The following METTL9 variants were observed in gnomAD, a reference collection of about 807,000 sequenced individuals.
The protein encoded by METTL9 is methyltransferase 9, His-X-His N1(pi)-histidine.
Under a neutral mutation model 36.0 loss-of-function variants are expected in METTL9, and 10 were observed. The ratio of observed to expected loss-of-function variants is 0.28; its 90% CI spans 0.17 to 0.47. The LOEUF is 0.47. Among genes scored for constraint, METTL9 ranks in the 20% least tolerant of loss-of-function variants. The probability of loss-of-function intolerance (pLI) is 0.99; values close to 1 mark genes in which losing one functional copy is unlikely to be tolerated. For synonymous variants in METTL9, 175 were observed against 149.7 expected, an observed-to-expected ratio of 1.17 and a Z score of -1.23; for missense variants, 246 against 383.5, an observed-to-expected ratio of 0.64 and a Z score of 3.00.
At chr16:21,601,448 T>C (rs1330791134) in intron 1 of METTL9, among the ~76,000 whole-genome samples, 1 of 152,212 alleles carries the variant, frequency 6.6e-6, no homozygotes, top group Non-Finnish European at 1.5e-5. Context: ...GTTGAGTCTC[T>C]TAGCTATTGG....
intron 2 of METTL9, among the ~76,000 whole-genome samples, chr16:21,616,667 T>C (rs191593344): frequency 2.6e-5 from 4 of 152,316 alleles, no homozygotes; most frequent in East Asian, 3.9e-4. Context: ...GTTGTAACCA[T>C]ATAAACTGAC....
intron 4 of METTL9, among the ~76,000 whole-genome samples, chr16:21,635,391 A>C (rs1966062900): frequency 1.3e-5 from 2 of 151,742 alleles, no homozygotes; most frequent in South Asian, 4.2e-4. Context: ...CATTAATAGG[A>C]GGGGGAGCTA....
At chr16:21,636,495 C>G (rs1966095793) in intron 4 of METTL9, among the ~76,000 whole-genome samples, 1 of 152,172 alleles carries the variant, frequency 6.6e-6, no homozygotes, top group African/African-American at 2.4e-5. Context: ...GTTTGTCTGA[C>G]AGGCGTTAGG....
intron 1 of METTL9, among the ~76,000 whole-genome samples, chr16:21,606,076 C>T (rs1165242523): frequency 6.6e-6 from 1 of 152,072 alleles, no homozygotes; most frequent in Non-Finnish European, 1.5e-5. Flanking sequence ...GTGGCTCACG[C>T]CTGTAATCCC....
At chr16:21,637,378 C>T (rs753396961) in intron 4 of METTL9, among the ~76,000 whole-genome samples, 1 of 152,138 alleles carries the variant, frequency 6.6e-6, no homozygotes, top group Non-Finnish European at 1.5e-5. Flanking sequence ...AGACACAGAG[C>T]GCTGATTGGT....
Position 21,599,872 on chromosome 16 carries a change from G to A in METTL9, c.139G>A (p.Ala47Thr). 2.0e-6 allele frequency: 3 copies of A among 1,477,578 alleles called. No homozygotes were observed. Among genetic ancestry groups the A allele is most frequent in the Non-Finnish European group, 1.8e-6 (2 of 1,118,182 alleles). 91.5% of individuals were successfully genotyped at this position (1,477,578 alleles called of 1,614,324 possible). Reference protein sequence around the residue: ...TSGPGGPAAAAGGRKENHQWY... With the variant: ...TSGPGGPAAATGGRKENHQWY... ...CGGCCCGGGTGGGCCGGCGGCGGCC[G>A]CGGGCGGCAGGAAGGAGAACCACCA... The change falls in exon 1 of 5, where the codon GCG becomes ACG. Residue 47 changes from alanine to threonine, a missense_variant. Ala to Thr is a moderately conservative substitution (Grantham distance 58). Around this residue, in one of 2 missense-constraint regions of METTL9, gnomAD observed 100 missense variants for 81.4 expected, o/e 1.23. Coordinates refer to ENST00000358154, the MANE Select transcript of METTL9 (RefSeq NM_016025.5). The surrounding 1 kb of genome is among the most constrained non-coding windows in gnomAD (Gnocchi z 4.4).
At chr16:21,637,395 A>G (rs1966127953) in intron 4 of METTL9, among the ~76,000 whole-genome samples, 3 of 152,220 alleles carry the variant, frequency 2.0e-5, no homozygotes, top group Non-Finnish European at 4.4e-5. Flanking sequence ...TGGTGTATTT[A>G]TAAACCATTA....
chr16:21,641,429 A>G (rs1333555799), intron 4 of METTL9: 6 of 538,918 alleles, frequency 1.1e-5, no homozygotes, highest in Non-Finnish European at 1.9e-5. Context: ...TTGTCTTTTC[A>G]GTTTACCTTT....
chr16:21,652,824 G>A (rs1966612934), intron 4 of METTL9: 2 of 452,476 alleles, frequency 4.4e-6, no homozygotes, highest in South Asian at 9.2e-5. Context: ...TTTTACAGTT[G>A]TCATAGGTGT....
Position 21,655,631 on chromosome 16 carries a change from CTT to C in METTL9, c.*201_*202del, listed in dbSNP as rs1486268452. 1.3e-5 allele frequency: 7 copies of C among 543,290 alleles called. No homozygotes were observed. In the African/African-American group the frequency reaches 1.3e-4, roughly 10 times the overall value. 33.7% of individuals were successfully genotyped at this position (543,290 alleles called of 1,614,324 possible). A position where few individuals can be genotyped will look rare whatever the true frequency, so the allele number is the denominator to read the frequency against. ...GTTTTTAAAAGACAAAAACCCAACTCTTTGTGGATTTTTATCAACTCTTTACT... is the reference window on the plus strand; with the variant it reads ...GTTTTTAAAAGACAAAAACCCAACTCTGTGGATTTTTATCAACTCTTTACT... On this transcript the variant is annotated 3_prime_UTR_variant, in exon 5 of 5. Coordinates refer to ENST00000358154, the MANE Select transcript of METTL9 (RefSeq NM_016025.5).
Position 21,618,047 on chromosome 16 carries a change from T to G in METTL9, c.539T>G (p.Ile180Arg). The change falls in exon 3 of 5, where the codon ATA (isoleucine) becomes AGA (arginine). Residue 180 changes from isoleucine (I) to arginine (R), a missense_variant. Ile to Arg is a moderately conservative substitution (Grantham distance 97). This residue lies in a region of METTL9 where 146 missense variants were observed against 302.1 expected (regional missense o/e 0.48). Coordinates refer to ENST00000358154, the MANE Select transcript of METTL9 (RefSeq NM_016025.5). Reference protein sequence around the residue: ...IYATELSETMIWQLQKKKYRV... With the variant: ...IYATELSETMRWQLQKKKYRV... ...GCCACTGAGCTTTCTGAAACTATGA[T>G]ATGGCAGCTTCAGAAAAAGAAATAC... 6.3e-7 allele frequency: 1 copy of G among 1,576,800 alleles called. No homozygotes were observed. The highest frequency in any genetic ancestry group is 8.6e-7 in the Non-Finnish European group (1 of 1,167,982).
At chr16:21,619,568 A>G (rs533151565) in intron 3 of METTL9, among the ~76,000 whole-genome samples, 30 of 149,456 alleles carry the variant, frequency 2.0e-4, no homozygotes, top group Admixed American at 1.5e-3. Flanking sequence ...CTACAGGCAC[A>G]TGCCACTATG....
intron 4 of METTL9, among the ~76,000 whole-genome samples, chr16:21,648,958 C>T (rs921462648): frequency 3.3e-5 from 5 of 152,154 alleles, no homozygotes; most frequent in South Asian, 2.1e-4. Flanking sequence ...GTTTGTGATG[C>T]GAGTCTCTTC....
intron 4 of METTL9, chr16:21,647,532 AC>A: frequency 6.4e-7 from 1 of 1,568,008 alleles, no homozygotes; most frequent in Non-Finnish European, 8.7e-7. Flanking sequence ...TGGGCCTGCC[AC>A]CTCACTTTGT....
At position 21,627,241 on chromosome 16, in the gene METTL9, G is replaced by T. The variant is rs961221275; in HGVS notation, c.751+2126G>T. ...AAATGGTTTTGCTGTGTAGATTCAT[G>T]AATGCTGGACTGTTGGAGGATATCT... On this transcript the variant is annotated intron_variant, in intron 4 of 4. Coordinates refer to ENST00000358154, the MANE Select transcript of METTL9 (RefSeq NM_016025.5). The T allele has an allele frequency of 4.1e-6, 4 of 985,246 alleles. No individual in the cohort carries two copies. The African/African-American group carries it at 7.0e-5, about 17-fold the overall frequency. The allele number at this position is 985,246 out of a possible 1,614,324, so 61.0% of individuals were successfully genotyped here. A position where few individuals can be genotyped will look rare whatever the true frequency, so the allele number is the denominator to read the frequency against.
At chr16:21,603,700 G>A (rs540381371) in intron 1 of METTL9, among the ~76,000 whole-genome samples, 1 of 152,058 alleles carries the variant, frequency 6.6e-6, no homozygotes, top group Non-Finnish European at 1.5e-5. Flanking sequence ...TAATAATAGC[G>A]GTTCAGTAGC....
intron 4 of METTL9, among the ~76,000 whole-genome samples, chr16:21,637,592 C>G (rs1966135631): frequency 6.6e-6 from 1 of 152,244 alleles, no homozygotes; most frequent in South Asian, 2.1e-4. Flanking sequence ...AGCCTGGGCA[C>G]TCCAGCAGCC....
At chr16:21,601,224 A>G in intron 1 of METTL9, among the ~76,000 whole-genome samples, 1 of 152,210 alleles carries the variant, frequency 6.6e-6, no homozygotes, top group East Asian at 1.9e-4. Context: ...AACCACATTT[A>G]TTCCTATGGA....
chr16:21,652,614 G>C (rs1567350459), intron 4 of METTL9: 3 of 1,599,580 alleles, frequency 1.9e-6, no homozygotes, highest in Non-Finnish European at 8.5e-7. Flanking sequence ...TGTATGCCGG[G>C]GCGGGTTGGG....
Sources: gnomAD v4.1 joint callset for allele counts (sites outside exome capture counted in the v4.1 genomes callset) on GRCh38, gnomAD v4.1.1 for gene constraint, gnomAD v4.1.1 regional missense constraint, Gnocchi (gnomAD v3.1) non-coding constraint, MANE v1.5 for transcripts, NCBI Gene and HGNC (gene_info 2026-07-23, HGNC 2026-07-21) for gene names.